Variants in ADAMTS12 observed in about 807,000 individuals in gnomAD.
ADAMTS12 encodes ADAM metallopeptidase with thrombospondin type 1 motif 12.
A neutral mutation model predicts 167.8 loss-of-function variants in ADAMTS12; 118 were observed. That is an observed-to-expected ratio of 0.70 (90% CI 0.61 to 0.82). The LOEUF (loss-of-function observed/expected upper bound fraction) is 0.82. Ranked by LOEUF, ADAMTS12 falls within the 40% of genes least tolerant of loss-of-function variation. The pLI is 0.00. For missense variants in ADAMTS12, 1,916 were observed against 1,998.8 expected, an observed-to-expected ratio of 0.96 and a Z score of 0.79; for synonymous variants, 704 against 716.9, an observed-to-expected ratio of 0.98 and a Z score of 0.29.
intron 16 of ADAMTS12, among the ~76,000 whole-genome samples, chr5:33,612,201 C>T (rs1343208308): frequency 6.6e-6 from 1 of 152,194 alleles, no homozygotes; most frequent in East Asian, 1.9e-4. Flanking sequence ...GGCTGAAGTT[C>T]AGGTGAGCAT....
chr5:33,631,865 T>C (rs1251895955), intron 12 of ADAMTS12, among the ~76,000 whole-genome samples: 5 of 152,214 alleles, frequency 3.3e-5, no homozygotes, highest in African/African-American at 4.8e-5. Context: ...TGTTAGTTCC[T>C]TCATTGTGTG....
chr5:33,608,131 A>G (rs558683147), intron 16 of ADAMTS12, among the ~76,000 whole-genome samples: 1 of 152,302 alleles, frequency 6.6e-6, no homozygotes, highest in African/African-American at 2.4e-5. Flanking sequence ...TGCCCTATGC[A>G]TCTCTTCATC....
intron 2 of ADAMTS12, among the ~76,000 whole-genome samples, chr5:33,875,137 C>T (rs548693034): frequency 6.6e-6 from 1 of 152,200 alleles, no homozygotes; most frequent in East Asian, 1.9e-4. Context: ...CTATAAAATG[C>T]AAAACTAAAA....
At chr5:33,553,160 A>G (rs1012017167) in intron 20 of ADAMTS12, among the ~76,000 whole-genome samples, 2 of 152,334 alleles carry the variant, frequency 1.3e-5, no homozygotes, top group Admixed American at 6.5e-5. Flanking sequence ...CAAAACCACA[A>G]TGAGATACCA....
At chr5:33,591,290 C>T (rs1747626103) in intron 17 of ADAMTS12, among the ~76,000 whole-genome samples, 1 of 151,942 alleles carries the variant, frequency 6.6e-6, no homozygotes, top group South Asian at 2.1e-4. Context: ...CTACTGATTC[C>T]CCTATCAGTA....
rs145552020 is a variant in ADAMTS12 at position 33,610,211 on chromosome 5, A to G, written c.2527+4027T>C. 5.9e-4 allele frequency among the ~76,000 whole-genome samples: 90 copies of G among 152,286 alleles called. No individual in the cohort carries two copies. In the East Asian group the frequency reaches 0.015, roughly 25 times the overall value. ...AAACGAACAACAACAGCAACAACAAAAAAGAAAAACAAAATAGTATTTTTG... is the reference window on the plus strand; with the variant it reads ...AAACGAACAACAACAGCAACAACAAGAAAGAAAAACAAAATAGTATTTTTG... On this transcript the variant is annotated intron_variant, in intron 16 of 23. Transcript: ENST00000504830.
intron 5 of ADAMTS12, among the ~76,000 whole-genome samples, chr5:33,667,118 C>T (rs1561203678): frequency 6.6e-6 from 1 of 151,988 alleles, no homozygotes; most frequent in South Asian, 2.1e-4. Flanking sequence ...GCACATAAAA[C>T]TTAAAGAGTT....
intron 4 of ADAMTS12, 96 bp downstream of exon 4, chr5:33,683,763 A>C (rs1166038043): frequency 1.1e-6 from 1 of 920,850 alleles, no homozygotes; most frequent in African/African-American, 1.7e-5. Flanking sequence ...AAATAAGTTA[A>C]AAGGACCCCA....
chr5:33,887,384 C>T (rs570558062), intron 1 of ADAMTS12, among the ~76,000 whole-genome samples: 10 of 152,242 alleles, frequency 6.6e-5, no homozygotes, highest in Admixed American at 3.9e-4. Flanking sequence ...CACTCCTAAG[C>T]TCTGCCCTCA....
chr5:33,728,979 T>C (rs769974593), intron 3 of ADAMTS12, among the ~76,000 whole-genome samples: 6 of 152,244 alleles, frequency 3.9e-5, no homozygotes, highest in Admixed American at 3.3e-4. Context: ...TGCACATACA[T>C]ATATGTGTAT....
intron 2 of ADAMTS12, among the ~76,000 whole-genome samples, chr5:33,755,033 T>A (rs542378565): frequency 3.3e-5 from 5 of 152,210 alleles, no homozygotes; most frequent in African/African-American, 9.6e-5. Context: ...GATGCAGAAA[T>A]AGAACATTAC....
intron 2 of ADAMTS12, among the ~76,000 whole-genome samples, chr5:33,775,713 C>T (rs1165369457): frequency 1.3e-5 from 2 of 152,316 alleles, no homozygotes; most frequent in African/African-American, 2.4e-5. Context: ...ACATGACCCA[C>T]ATCACCCTTC....
intron 3 of ADAMTS12, among the ~76,000 whole-genome samples, chr5:33,744,499 T>C (rs1000838202): frequency 6.6e-5 from 10 of 152,154 alleles, no homozygotes; most frequent in South Asian, 2.1e-4. Context: ...GCTTTAGTCA[T>C]GGGAAAGATA....
chr5:33,775,037 G>T (rs1359290036), intron 2 of ADAMTS12, among the ~76,000 whole-genome samples: 1 of 152,108 alleles, frequency 6.6e-6, no homozygotes, highest in Non-Finnish European at 1.5e-5. Context: ...GGGTGATAGG[G>T]CCTGTGAATC....
In ADAMTS12 at chr5:33,561,032, T is replaced by G. The variant is rs746445779; in HGVS notation, c.4120A>C (p.Ser1374Arg). The change falls in exon 20 of 24, where the codon AGC becomes CGC. Residue 1374 changes from serine (S) to arginine (R), a missense_variant. Coordinates refer to ENST00000504830, the MANE Select transcript of ADAMTS12 (RefSeq NM_030955.4). The part of the protein sequence containing the change: ...PCAGWKVGNW[S>R]KCSRNCSGGF... ...TGCCAAGCCTGATAAGTTACCTTGC[T>G]CCAGTTTCCCACTTTCCAGCCAGCA... 2 of 1,613,800 alleles carry G rather than the reference T, an allele frequency of 1.2e-6. No individual in the cohort carries two copies. The highest frequency in any genetic ancestry group is 1.7e-6 in the Non-Finnish European group (2 of 1,179,974).
rs915834770 is a variant in ADAMTS12, at chr5:33,523,842, C to G, written c.*3346G>C. 1 of 152,094 alleles carries G rather than the reference C, an allele frequency of 6.6e-6. No individual in the cohort carries two copies. The highest frequency in any genetic ancestry group is 1.5e-5 in the Non-Finnish European group (1 of 68,034). The allele number at this position is 152,094 out of a possible 1,614,324, so 9.4% of individuals were successfully genotyped here. A position where few individuals can be genotyped will look rare whatever the true frequency, so the allele number is the denominator to read the frequency against. Reference sequence around the variant, plus strand: ...AAATATGTTAGCTAGGTTGTAACACCAGGCAGTTCATGTCATGTGGCCTCT... The same window carrying G: ...AAATATGTTAGCTAGGTTGTAACACGAGGCAGTTCATGTCATGTGGCCTCT... On this transcript the variant is annotated 3_prime_UTR_variant, in exon 24 of 24. Transcript: ENST00000504830.
At chr5:33,713,489 T>C (rs1051131970) in intron 3 of ADAMTS12, among the ~76,000 whole-genome samples, 1 of 152,104 alleles carries the variant, frequency 6.6e-6, no homozygotes, top group Admixed American at 6.6e-5. Context: ...TTTTTAATCC[T>C]CAAAACCACA....
rs10472882 is a variant in ADAMTS12 at position 33,688,592 on chromosome 5, G to A, written c.635-4537C>T. ...TGCTGATCTCTGAGTCAGTGTCCAC[G>A]GCAGCCAGGCATGGATCACGCCTTG... On this transcript the variant is annotated intron_variant, in intron 3 of 23. Coordinates refer to ENST00000504830, the MANE Select transcript of ADAMTS12 (RefSeq NM_030955.4). 4.6e-5 allele frequency among the ~76,000 whole-genome samples: 7 copies of A among 151,972 alleles called. No individual in the cohort carries two copies. The South Asian group carries it at 1.0e-3, about 23-fold the overall frequency.
intron 1 of ADAMTS12, among the ~76,000 whole-genome samples, chr5:33,884,512 T>C (rs1362328078): frequency 2.6e-5 from 4 of 152,144 alleles, no homozygotes; most frequent in Admixed American, 6.5e-5. Context: ...CCCAAGCCCA[T>C]AGCAAACCCT....
Sources: allele counts gnomAD v4.1 joint callset (sites outside exome capture counted in the v4.1 genomes callset), GRCh38; gene constraint gnomAD v4.1.1; transcripts MANE v1.5; gene names NCBI Gene and HGNC (gene_info 2026-07-23, HGNC 2026-07-21).